The following NAV2 variants were observed in gnomAD, a reference collection of about 807,000 sequenced individuals.
NAV2 encodes neuron navigator 2.
A neutral mutation model predicts 223.2 loss-of-function variants in NAV2; 54 were observed. The ratio of observed to expected loss-of-function variants is 0.24; its 90% CI spans 0.19 to 0.30. NAV2 has a LOEUF of 0.30. Ranked by LOEUF, NAV2 falls within the 10% of genes least tolerant of loss-of-function variation. NAV2 has a pLI of 1.00. For synonymous variants in NAV2, 1,279 were observed against 1,239.3 expected, an observed-to-expected ratio of 1.03 and a Z score of -0.67; for missense variants, 2,806 against 3,147.5, an observed-to-expected ratio of 0.89 and a Z score of 2.60.
chr11:19,563,678 C>T (rs1442304579), intron 1 of NAV2, among the ~76,000 whole-genome samples: 1 of 152,102 alleles, frequency 6.6e-6, no homozygotes, highest in Non-Finnish European at 1.5e-5. Context: ...GTATCCCAAG[C>T]GATTCACATG....
intron 1 of NAV2, among the ~76,000 whole-genome samples, chr11:19,607,129 G>A (rs1017947389): frequency 5.9e-5 from 9 of 152,210 alleles, no homozygotes; most frequent in African/African-American, 2.2e-4. Flanking sequence ...CTCAGTTTGT[G>A]TCCCTGGAGA....
intron 1 of NAV2, among the ~76,000 whole-genome samples, chr11:19,562,999 A>G (rs1448110750): frequency 6.6e-6 from 1 of 151,514 alleles, no homozygotes; most frequent in African/African-American, 2.4e-5. Context: ...TAGAGAAGGT[A>G]TTAAATACAT....
intron 1 of NAV2, among the ~76,000 whole-genome samples, chr11:19,488,529 T>G (rs1442880340): frequency 6.6e-6 from 1 of 152,206 alleles, no homozygotes; most frequent in African/African-American, 2.4e-5. Flanking sequence ...GGCCTTGGGT[T>G]AGCATCTCAC....
chr11:19,690,581 A>G (rs1336007438), intron 1 of NAV2, among the ~76,000 whole-genome samples: 2 of 152,364 alleles, frequency 1.3e-5, no homozygotes, highest in East Asian at 3.9e-4. Flanking sequence ...ATTAAAATAA[A>G]GTTTGGGGGA....
At chr11:19,819,171 A>G (rs1035590552) in intron 1 of NAV2, among the ~76,000 whole-genome samples, 1 of 152,178 alleles carries the variant, frequency 6.6e-6, no homozygotes, top group Admixed American at 6.5e-5. Flanking sequence ...TCTCTACTCT[A>G]TAGAAGCTCC....
chr11:19,433,730 A>T (rs2133620583), intron 1 of NAV2, among the ~76,000 whole-genome samples: 1 of 152,330 alleles, frequency 6.6e-6, no homozygotes, highest in East Asian at 1.9e-4. Flanking sequence ...CCTTTATATT[A>T]ACTTCTTGCA....
intron 26 of NAV2, 26 bp from the exon 27 acceptor site, chr11:20,090,839 C>T: frequency 6.2e-7 from 1 of 1,611,060 alleles, no homozygotes. Flanking sequence ...GAGCTGCTTT[C>T]ATCAGTAACA....
chr11:19,507,864 T>C (rs1051992334), intron 1 of NAV2, among the ~76,000 whole-genome samples: 3 of 152,024 alleles, frequency 2.0e-5, no homozygotes, highest in Non-Finnish European at 2.9e-5. Context: ...GACACGGAGG[T>C]TCAGAGATTT....
chr11:19,728,322 G>A (rs189019601), intron 1 of NAV2, among the ~76,000 whole-genome samples: 200 of 152,292 alleles, frequency 1.3e-3, no homozygotes, highest in African/African-American at 4.6e-3. Context: ...TTCACCAGCC[G>A]TGTGTAGAAT....
chr11:19,495,621 G>GTTTTA (rs2042768406), intron 1 of NAV2, among the ~76,000 whole-genome samples: 2 of 152,150 alleles, frequency 1.3e-5, no homozygotes, highest in Non-Finnish European at 2.9e-5. Flanking sequence ...CATCTCCTGT[G>GTTTTA]TTCCAGGATT....
At chr11:20,016,443 G>T (rs749568020) in intron 11 of NAV2, among the ~76,000 whole-genome samples, 4 of 152,228 alleles carry the variant, frequency 2.6e-5, no homozygotes, top group Non-Finnish European at 5.9e-5. Flanking sequence ...GAATATGTGT[G>T]CTTTTACATG....
At chr11:19,369,319 AG>A (rs1172518544) in intron 1 of NAV2, among the ~76,000 whole-genome samples, 1 of 152,222 alleles carries the variant, frequency 6.6e-6, no homozygotes, top group Admixed American at 6.5e-5. Flanking sequence ...ATCAATTCCT[AG>A]GGTGCAACTT....
intron 5 of NAV2, chr11:19,884,385 C>G: frequency 1.3e-6 from 2 of 1,598,372 alleles, no homozygotes; most frequent in Non-Finnish European, 1.7e-6. Context: ...CTGTGTCCTG[C>G]AAAGCATGGT....
intron 1 of NAV2, among the ~76,000 whole-genome samples, chr11:19,812,391 A>C (rs139218867): frequency 3.4e-4 from 52 of 152,190 alleles, no homozygotes; most frequent in African/African-American, 1.2e-3. Context: ...ATGCATCTTC[A>C]TAGCATTTAT....
chr11:20,084,660 A>G (rs2060304276), intron 26 of NAV2, among the ~76,000 whole-genome samples: 1 of 152,148 alleles, frequency 6.6e-6, no homozygotes, highest in Non-Finnish European at 1.5e-5. Context: ...GAAGAATTAG[A>G]CAAATTACTG....
At chr11:19,420,878 C>CTGTTA (rs771724576) in intron 1 of NAV2, among the ~76,000 whole-genome samples, 6 of 152,210 alleles carry the variant, frequency 3.9e-5, no homozygotes, top group Non-Finnish European at 8.8e-5. Context: ...GTCCTGTCTT[C>CTGTTA]TGTTATGCTT....
At chr11:19,889,481 G>A (rs1359143284) in intron 5 of NAV2, among the ~76,000 whole-genome samples, 1 of 151,920 alleles carries the variant, frequency 6.6e-6, no homozygotes, top group African/African-American at 2.4e-5. Context: ...TAGTGGTCAA[G>A]GGTGGACAGG....
intron 1 of NAV2, among the ~76,000 whole-genome samples, chr11:19,417,919 C>T (rs7942992): frequency 0.059 from 8,933 of 151,992 alleles, 319 homozygotes; most frequent in Non-Finnish European, 0.077. Flanking sequence ...AGTCGAAAAA[C>T]GAGAACACAT....
intron 10 of NAV2, among the ~76,000 whole-genome samples, chr11:19,964,654 C>G (rs962890518): frequency 4.6e-5 from 7 of 151,748 alleles, no homozygotes; most frequent in Non-Finnish European, 8.8e-5. Flanking sequence ...TACCACCACA[C>G]CCAGCTAATT....
Sources: gnomAD v4.1 joint callset for allele counts (sites outside exome capture counted in the v4.1 genomes callset) on GRCh38, gnomAD v4.1.1 for gene constraint, MANE v1.5 for transcripts, NCBI Gene and HGNC (gene_info 2026-07-23, HGNC 2026-07-21) for gene names.